The following CAPN8 variants were observed in gnomAD, a reference collection of about 807,000 sequenced individuals.
The protein encoded by CAPN8 is calpain 8.
A neutral mutation model predicts 80.9 loss-of-function variants in CAPN8; 87 were observed. The observed-to-expected ratio is 1.07, with a 90% CI of 0.90 to 1.28. The LOEUF (loss-of-function observed/expected upper bound fraction) is 1.28, where lower values mean the gene tolerates loss of function less well. Among genes scored for constraint, CAPN8 ranks in the 50% most tolerant of loss-of-function variants. CAPN8 has a pLI of 0.00. For missense variants in CAPN8, 757 were observed against 702.0 expected (o/e 1.08, Z -0.89); for synonymous variants, 299 against 273.8 (o/e 1.09, Z -0.91).
intron 7 of CAPN8, among the ~76,000 whole-genome samples, chr1:223,621,926 G>A (rs188023055): frequency 8.6e-5 from 13 of 151,798 alleles, no homozygotes; most frequent in East Asian, 7.8e-4. Context: ...GCCCAATCTC[G>A]GCTCACTGCA....
intron 1 of CAPN8, among the ~76,000 whole-genome samples, chr1:223,654,630 T>C (rs1038626012): frequency 6.6e-6 from 1 of 152,206 alleles, no homozygotes; most frequent in African/African-American, 2.4e-5. Flanking sequence ...CCAGAGCCCC[T>C]GCCAGGACTA....
At chr1:223,625,638 G>T (rs979514053) in intron 6 of CAPN8, among the ~76,000 whole-genome samples, 167 bp downstream of exon 6, 1 of 152,106 alleles carries the variant, frequency 6.6e-6, no homozygotes, top group East Asian at 1.9e-4. Context: ...GCTCATCTGT[G>T]GTGTCAGGGG....
chr1:223,653,462 G>T (rs989473777), intron 2 of CAPN8, among the ~76,000 whole-genome samples: 5 of 152,104 alleles, frequency 3.3e-5, no homozygotes. Context: ...TGAAAAAAAA[G>T]TGGCGGGGGG....
chr1:223,659,752 C>G (rs1178427287), intron 1 of CAPN8, among the ~76,000 whole-genome samples: 1 of 152,156 alleles, frequency 6.6e-6, no homozygotes, highest in Non-Finnish European at 1.5e-5. Context: ...ACCAAAGCCT[C>G]CAAAAAACAG....
At chr1:223,654,189 G>T in intron 2 of CAPN8, 141 bp downstream of exon 2, 1 of 675,156 alleles carries the variant, frequency 1.5e-6, no homozygotes, top group South Asian at 2.1e-5. Context: ...GAAGAATGCA[G>T]TCTCAGAAAC....
intron 1 of CAPN8, among the ~76,000 whole-genome samples, chr1:223,657,628 G>A (rs967233274): frequency 1.3e-5 from 2 of 152,098 alleles, no homozygotes; most frequent in East Asian, 1.9e-4. Context: ...TTAGCCAGGC[G>A]TGGTGGTGAG....
At chr1:223,642,915 C>T (rs181941655) in intron 2 of CAPN8, 6 of 430,678 alleles carry the variant, frequency 1.4e-5, no homozygotes, top group East Asian at 7.1e-5. Flanking sequence ...TAAATCAGAC[C>T]TTTAATGCTA....
chr1:223,649,480 C>T (rs1658280712), intron 2 of CAPN8, among the ~76,000 whole-genome samples: 1 of 152,234 alleles, frequency 6.6e-6, no homozygotes, highest in Admixed American at 6.5e-5. Flanking sequence ...CCAGGACATC[C>T]TTCCACTGTT....
At chr1:223,633,975 G>C (rs936578216) in intron 2 of CAPN8, among the ~76,000 whole-genome samples, 2 of 152,198 alleles carry the variant, frequency 1.3e-5, no homozygotes, top group Non-Finnish European at 2.9e-5. Flanking sequence ...TTGAACAATG[G>C]CTGAAGTGGA....
At chr1:223,635,619 A>G (rs1459680636) in intron 2 of CAPN8, among the ~76,000 whole-genome samples, 1 of 149,302 alleles carries the variant, frequency 6.7e-6, no homozygotes, top group Non-Finnish European at 1.5e-5. Flanking sequence ...TGAGTAGTCT[A>G]TCACTAGTAA....
intron 2 of CAPN8, among the ~76,000 whole-genome samples, chr1:223,652,840 G>A (rs1432221181): frequency 6.6e-6 from 1 of 152,074 alleles, no homozygotes; most frequent in Admixed American, 6.6e-5. Context: ...AGCTGGATTC[G>A]GAGAGCTGGT....
intron 6 of CAPN8, among the ~76,000 whole-genome samples, chr1:223,623,562 C>T (rs1202648138): frequency 6.6e-6 from 1 of 152,254 alleles, no homozygotes. Flanking sequence ...TGCACACACA[C>T]TGGCATTCAC....
intron 2 of CAPN8, among the ~76,000 whole-genome samples, chr1:223,631,410 T>A (rs1005571491): frequency 2.6e-5 from 4 of 152,136 alleles, no homozygotes; most frequent in African/African-American, 9.7e-5. Context: ...CCCTGGCCTG[T>A]CTTACCAGCA....
Position 223,628,046 on chromosome 1 carries a change from C to A in CAPN8, c.523G>T (p.Glu175Ter), listed in dbSNP as rs942139930. ...TTCTCCAGCAGGGCACTCCAGAATT[C>A]ATTGCCTTGTTCCGAGTGTAGGAAG... ...LLFLHSEQGN[E>*]FWSALLEKAY... The change falls in exon 4 of 21, where the codon GAA becomes TAA. Residue 175 changes from glutamate to a stop codon, truncating the protein, a stop_gained. Coordinates refer to ENST00000366872, the MANE Select transcript of CAPN8 (RefSeq NM_001143962.2). LOFTEE classifies it high-confidence loss of function. 1.3e-6 allele frequency: 2 copies of A among 1,550,622 alleles called. No homozygotes were observed. Among genetic ancestry groups the A allele is most frequent in the Non-Finnish European group, 8.7e-7 (1 of 1,146,412 alleles).
chr1:223,639,258 A>G (rs948459504), intron 2 of CAPN8, among the ~76,000 whole-genome samples: 7 of 152,176 alleles, frequency 4.6e-5, no homozygotes, highest in Admixed American at 4.6e-4. Flanking sequence ...AAAAAATAAA[A>G]TAAAATAAAG....
intron 7 of CAPN8, among the ~76,000 whole-genome samples, chr1:223,620,722 C>G (rs1466562183): frequency 6.6e-6 from 1 of 152,114 alleles, no homozygotes; most frequent in Non-Finnish European, 1.5e-5. Context: ...AGAGTCTAAC[C>G]AGCTCTGGGG....
chr1:223,638,679 T>A (rs181874694), intron 2 of CAPN8, among the ~76,000 whole-genome samples: 2 of 152,282 alleles, frequency 1.3e-5, no homozygotes, highest in East Asian at 1.9e-4. Flanking sequence ...CCAGGCTCTG[T>A]GGTCCCTACT....
At chr1:223,625,702 C>A (rs898121543) in intron 6 of CAPN8, 103 bp downstream of exon 6, 18 of 1,038,144 alleles carry the variant, frequency 1.7e-5, no homozygotes, top group Non-Finnish European at 2.5e-5. Flanking sequence ...AAAGCCAATT[C>A]CGAACCTTCT....
At chr1:223,611,957 C>T (rs936637106) in intron 11 of CAPN8, among the ~76,000 whole-genome samples, 5 of 152,222 alleles carry the variant, frequency 3.3e-5, no homozygotes, top group Admixed American at 6.5e-5. Context: ...AACACTGGTT[C>T]TCAACCTTGG....
Sources: gnomAD v4.1 joint callset for allele counts (sites outside exome capture counted in the v4.1 genomes callset) on GRCh38, gnomAD v4.1.1 for gene constraint, MANE v1.5 for transcripts, NCBI Gene and HGNC (gene_info 2026-07-23, HGNC 2026-07-21) for gene names.